Variants in CASZ1 observed in about 807,000 individuals in gnomAD.
CASZ1 encodes castor zinc finger 1, also known as zinc finger protein castor homolog 1.
A neutral mutation model predicts 135.2 loss-of-function variants in CASZ1; 28 were observed. That is an observed-to-expected ratio of 0.21 (90% CI 0.15 to 0.28). The LOEUF is 0.28. CASZ1 is among the 10% of genes least tolerant of loss of function. The probability of loss-of-function intolerance (pLI) is 1.00; values close to 1 mark genes in which losing one functional copy is unlikely to be tolerated. For missense variants in CASZ1, 2,161 were observed against 2,453.3 expected (o/e 0.88, Z 2.52); for synonymous variants, 1,068 against 1,073.4 (o/e 0.99, Z 0.10).
chr1:10,652,750 T>C (rs903507941), intron 11 of CASZ1: 1 of 152,384 alleles, frequency 6.6e-6, no homozygotes, highest in Non-Finnish European at 1.5e-5. Context: ...TGTGGTTGTT[T>C]AAAGTGACAA....
At position 10,724,225 on chromosome 1, in the gene CASZ1, T is replaced by C. The variant is rs1226501923; in HGVS notation, c.-76-18681A>G. Among the ~76,000 whole-genome samples the C allele has an allele frequency of 6.6e-6, 1 of 152,116 alleles. No homozygotes were observed. Among genetic ancestry groups the C allele is most frequent in the Non-Finnish European group, 1.5e-5 (1 of 68,030 alleles). Reference sequence around the variant, plus strand: ...AAAGGCCACGTGGTCAGAGCCGGGCTATAAATAGCCAGCAAATCATTTCCC... The same window carrying C: ...AAAGGCCACGTGGTCAGAGCCGGGCCATAAATAGCCAGCAAATCATTTCCC... On this transcript the variant is annotated intron_variant, in intron 2 of 20. Transcript: ENST00000377022. This position sits in a 1 kb window ranked among gnomAD's most constrained non-coding sequence, Gnocchi z 4.1.
At chr1:10,715,708 G>GGC (rs1639370890) in intron 2 of CASZ1, among the ~76,000 whole-genome samples, 1 of 41,618 alleles carries the variant, frequency 2.4e-5, no homozygotes, top group African/African-American at 1.0e-4. Flanking sequence ...CCACACCCCA[G>GGC]AGCACCCAAT....
rs769993604 is a variant in CASZ1, at chr1:10,657,315, C to T, written c.1410-579G>A. ...CCCAGGAAACCCGTCCTCCTCCAGG[C>T]CCCAGGGCCGCTGGGACGTGGCTCC... is the stretch of plus-strand genomic sequence containing the variant. On this transcript the variant is annotated intron_variant, in intron 7 of 20. Coordinates refer to ENST00000377022, the MANE Select transcript of CASZ1 (RefSeq NM_001079843.3). This position sits in a 1 kb window ranked among gnomAD's most constrained non-coding sequence, Gnocchi z 5.7. Among the ~76,000 whole-genome samples, 77 of 152,240 alleles carry T rather than the reference C, an allele frequency of 5.1e-4. 1 individual carries two copies. Among genetic ancestry groups the T allele is most frequent in the South Asian group, 1.4e-3 (7 of 4,828 alleles).
At chr1:10,690,201 C>G (rs768242536) in intron 4 of CASZ1, among the ~76,000 whole-genome samples, 1 of 152,202 alleles carries the variant, frequency 6.6e-6, no homozygotes, top group Non-Finnish European at 1.5e-5. Flanking sequence ...CCTGGCAGGT[C>G]GAAGGTGTAA....
intron 11 of CASZ1, 135 bp from the exon 12 acceptor site, chr1:10,651,211 C>T (rs1188840282): frequency 1.2e-5 from 7 of 590,136 alleles, no homozygotes; most frequent in African/African-American, 1.9e-5. Flanking sequence ...CTCCCGCTGA[C>T]GTGATCGCTC....
chr1:10,768,410 G>A (rs536060701), intron 1 of CASZ1, among the ~76,000 whole-genome samples: 2 of 152,234 alleles, frequency 1.3e-5, no homozygotes, highest in South Asian at 2.1e-4. Flanking sequence ...TAGAGATGGG[G>A]TTTCACCATG....
At chr1:10,689,249 C>A (rs1638690199) in intron 4 of CASZ1, among the ~76,000 whole-genome samples, 1 of 152,260 alleles carries the variant, frequency 6.6e-6, no homozygotes, top group South Asian at 2.1e-4. Context: ...CCAAGCCCCA[C>A]CCAATCCCCT....
chr1:10,766,703 T>C (rs1250898231), intron 1 of CASZ1, among the ~76,000 whole-genome samples: 2 of 152,230 alleles, frequency 1.3e-5, no homozygotes, highest in Non-Finnish European at 2.9e-5. Flanking sequence ...CCTGCCACAG[T>C]AGAAGAGGAA....
At chr1:10,728,427 G>A (rs1023086077) in intron 2 of CASZ1, among the ~76,000 whole-genome samples, 1 of 152,018 alleles carries the variant, frequency 6.6e-6, no homozygotes, top group East Asian at 1.9e-4. Flanking sequence ...GAAAATGAAC[G>A]TCCTTCCCCT....
At chr1:10,775,185 C>T (rs2100600841) in intron 1 of CASZ1, among the ~76,000 whole-genome samples, 1 of 152,300 alleles carries the variant, frequency 6.6e-6, no homozygotes, top group African/African-American at 2.4e-5. Flanking sequence ...CAGTGCATCG[C>T]TTTGGGCCAT....
At chr1:10,763,821 G>A (rs552395679) in intron 1 of CASZ1, among the ~76,000 whole-genome samples, 3 of 152,296 alleles carry the variant, frequency 2.0e-5, no homozygotes, top group South Asian at 2.1e-4. Context: ...TGAGCTCCGT[G>A]CAGCTTGGCC....
chr1:10,685,987 CA>C (rs1276595314), intron 4 of CASZ1, among the ~76,000 whole-genome samples: 12 of 152,210 alleles, frequency 7.9e-5, no homozygotes, highest in Non-Finnish European at 1.3e-4. Flanking sequence ...GTCCCCCAGC[CA>C]GCAAGTCACA....
intron 2 of CASZ1, among the ~76,000 whole-genome samples, chr1:10,732,926 T>A (rs987719404): frequency 5.9e-5 from 9 of 152,130 alleles, no homozygotes; most frequent in Non-Finnish European, 1.2e-4. Context: ...CAGGGACGTG[T>A]TAATTATCTT....
intron 3 of CASZ1, among the ~76,000 whole-genome samples, chr1:10,702,641 A>T (rs1231229166): frequency 6.6e-6 from 1 of 152,016 alleles, no homozygotes; most frequent in Non-Finnish European, 1.5e-5. Context: ...CAGTGCTGGG[A>T]GGAGAGGGAG....
intron 3 of CASZ1, 45 bp from the exon 4 acceptor site, chr1:10,693,957 G>A (rs749682230): frequency 5.7e-6 from 9 of 1,582,636 alleles, no homozygotes; most frequent in African/African-American, 1.4e-5. Context: ...GAAGAAACAC[G>A]GGGTTAGCGT....
chr1:10,639,095 G>A lies in CASZ1; in HGVS notation c.5127C>T (p.Asp1709=). The change falls in exon 21 of 21, where the codon GAC becomes GAT. Residue 1709 remains aspartate, a synonymous_variant. Coordinates refer to ENST00000377022, the MANE Select transcript of CASZ1 (RefSeq NM_001079843.3). The surrounding 1 kb of genome is among the most constrained non-coding windows in gnomAD (Gnocchi z 4.0). ...EDDDDEDDDE[D]DDDEDLRTDS... ...CGGTGCGCAGGTCCTCGTCGTCGTCGTCCTCGTCGTCGTCCTCGTCGTCGT... is the reference window on the plus strand; with the variant it reads ...CGGTGCGCAGGTCCTCGTCGTCGTCATCCTCGTCGTCGTCCTCGTCGTCGT... The A allele has an allele frequency of 2.6e-6, 3 of 1,135,348 alleles. No homozygotes were observed. The highest frequency in any genetic ancestry group is 2.1e-5 in the South Asian group (1 of 48,360). The allele number at this position is 1,135,348 out of a possible 1,614,324, so 70.3% of individuals were successfully genotyped here. A position where few individuals can be genotyped will look rare whatever the true frequency, so the allele number is the denominator to read the frequency against.
intron 2 of CASZ1, among the ~76,000 whole-genome samples, chr1:10,745,494 C>G (rs563208284): frequency 1.3e-5 from 2 of 152,180 alleles, no homozygotes; most frequent in Non-Finnish European, 2.9e-5. Flanking sequence ...TGGGCAGGGC[C>G]GGCTTCCTGG....
rs1338870249 is a variant in CASZ1 at position 10,666,117 on chromosome 1, C to T, written c.17-546G>A. ...TTGTGCCAGCCTCTTGCCTCACTGT[C>T]CCGGCAGCACTTGGCTGGCACCCTC... On this transcript the variant is annotated intron_variant, in intron 4 of 20. Coordinates refer to ENST00000377022, the MANE Select transcript of CASZ1 (RefSeq NM_001079843.3). This position sits in a 1 kb window ranked among gnomAD's most constrained non-coding sequence, Gnocchi z 5.2. Among the ~76,000 whole-genome samples the T allele has an allele frequency of 6.6e-6, 1 of 152,124 alleles. No individual in the cohort carries two copies. Among genetic ancestry groups the T allele is most frequent in the African/African-American group, 2.4e-5 (1 of 41,424 alleles).
rs911723723 is a variant in CASZ1, at chr1:10,762,095, G to A, written c.-233-1238C>T. On this transcript the variant is annotated intron_variant, in intron 1 of 20. Coordinates refer to ENST00000377022, the MANE Select transcript of CASZ1 (RefSeq NM_001079843.3). The surrounding 1 kb of genome is among the most constrained non-coding windows in gnomAD (Gnocchi z 4.1). ...CCCCGGAGGCCTTGCAGGAGTGCAC[G>A]AACCCCTCCCCTCCTGCCTCCCAAG... 5.9e-5 allele frequency among the ~76,000 whole-genome samples: 9 copies of A among 152,104 alleles called. No homozygotes were observed. The highest frequency in any genetic ancestry group is 9.7e-5 in the African/African-American group (4 of 41,414).
Sources: allele counts gnomAD v4.1 joint callset (sites outside exome capture counted in the v4.1 genomes callset), GRCh38; gene constraint gnomAD v4.1.1; non-coding constraint Gnocchi (gnomAD v3.1); transcripts MANE v1.5; gene names NCBI Gene and HGNC (gene_info 2026-07-23, HGNC 2026-07-21).